CSE1L: variants seen among roughly 807,000 people sequenced by gnomAD.
CSE1L encodes the protein chromosome segregation 1 like, also known as exportin-2.
In CSE1L, 24 loss-of-function variants were observed where a neutral mutation model predicts 120.4. The ratio of observed to expected loss-of-function variants is 0.20; its 90% CI spans 0.14 to 0.28. CSE1L has a LOEUF of 0.28. CSE1L is among the 10% of genes least tolerant of loss of function. CSE1L has a pLI of 1.00. For synonymous variants in CSE1L, 402 were observed against 398.3 expected (o/e 1.01, Z -0.11); for missense variants, 830 against 1,145.2 (o/e 0.72, Z 3.97).
chr20:49,067,718 T>C (rs531576943), intron 6 of CSE1L, among the ~76,000 whole-genome samples: 1 of 151,852 alleles, frequency 6.6e-6, no homozygotes, highest in Non-Finnish European at 1.5e-5. Flanking sequence ...TTTAAAGAAA[T>C]ATATATATAC....
intron 1 of CSE1L, among the ~76,000 whole-genome samples, chr20:49,052,568 G>A (rs1247554591): frequency 2.0e-5 from 3 of 152,166 alleles, no homozygotes; most frequent in African/African-American, 7.2e-5. Flanking sequence ...TAGGAGATGA[G>A]GTCAGTAGAT....
intron 6 of CSE1L, among the ~76,000 whole-genome samples, chr20:49,067,593 A>G (rs574768439): frequency 2.6e-5 from 4 of 152,116 alleles, no homozygotes; most frequent in Non-Finnish European, 5.9e-5. Context: ...GAAGAAATAC[A>G]TATTTTTATT....
chr20:49,080,315 G>A (rs990226164), intron 14 of CSE1L, among the ~76,000 whole-genome samples: 3 of 142,222 alleles, frequency 2.1e-5, no homozygotes, highest in Non-Finnish European at 4.5e-5. Context: ...CTGGGTTCAC[G>A]CCATTCTCCT....
intron 16 of CSE1L, 89 bp from the exon 17 acceptor site, chr20:49,087,920 G>C: frequency 1.3e-6 from 1 of 776,182 alleles, no homozygotes; most frequent in Non-Finnish European, 2.1e-6. Flanking sequence ...TTTAGTTGAT[G>C]AATTAGTGCG....
chr20:49,052,113 T>C (rs1250484599), intron 1 of CSE1L, among the ~76,000 whole-genome samples: 2 of 152,244 alleles, frequency 1.3e-5, no homozygotes, highest in Non-Finnish European at 2.9e-5. Flanking sequence ...CCACATTATG[T>C]TGGGGCTGCT....
chr20:49,068,228 C>T (rs764361051), intron 6 of CSE1L, among the ~76,000 whole-genome samples: 9 of 152,064 alleles, frequency 5.9e-5, no homozygotes, highest in Non-Finnish European at 1.0e-4. Context: ...CTTTTTAGTG[C>T]CATTATGAAC....
Position 49,089,301 on chromosome 20 carries a change from A to G in CSE1L, c.1876A>G (p.Ile626Val), listed in dbSNP as rs147450179. The stretch of plus-strand genomic sequence containing the variant: ...CATGTTTGAAGCAATATGTTTATCC[A>G]TAAGAATAACTTGCAAAGCTAACCC... ...HYMFEAICLS[I>V]RITCKANPAA... The change falls in exon 18 of 25, where the codon ATA (isoleucine) becomes GTA (valine). Residue 626 changes from isoleucine (I) to valine (V), a missense_variant. Around this residue, in one of 4 missense-constraint regions of CSE1L, gnomAD observed 168 missense variants for 267.9 expected, o/e 0.63. Coordinates refer to ENST00000262982, the MANE Select transcript of CSE1L (RefSeq NM_001316.4). 10 of 1,612,342 alleles carry G rather than the reference A, an allele frequency of 6.2e-6. No homozygotes were observed. The highest frequency in any genetic ancestry group is 7.6e-6 in the Non-Finnish European group (9 of 1,179,572).
In CSE1L at chr20:49,047,906, T is replaced by C. The variant is rs147894602; in HGVS notation, c.-12+1483T>C. Among the ~76,000 whole-genome samples, 775 of 152,266 alleles carry C rather than the reference T, an allele frequency of 5.1e-3. 9 individuals carry two copies. The highest frequency in any genetic ancestry group is 0.018 in the African/African-American group (727 of 41,540). On this transcript the variant is annotated intron_variant, in intron 1 of 24. Transcript: ENST00000262982. ...ACACTTACTTATTGCTTACTTGTTA[T>C]CTTTCTCAACTGCTAGAATGTAAGC...
chr20:49,073,747 A>G (rs2091948774), intron 10 of CSE1L, among the ~76,000 whole-genome samples: 1 of 152,158 alleles, frequency 6.6e-6, no homozygotes, highest in Non-Finnish European at 1.5e-5. Context: ...CAGCCTCTCA[A>G]AGTGCTGGGA....
At position 49,075,403 on chromosome 20, in the gene CSE1L, T is replaced by C; in HGVS notation, c.1218T>C (p.Ser406=). 6.2e-7 allele frequency: 1 copy of C among 1,614,148 alleles called. No homozygotes were observed. Among genetic ancestry groups the C allele is most frequent in the South Asian group, 1.1e-5 (1 of 91,090 alleles). Residue 406 remains serine (S), a synonymous_variant, in exon 12 of 25, where the codon TCT becomes TCC. Transcript: ENST00000262982. ...AGGGACCTGTGACAGGAATCTTCTC[T>C]GGTTATGTTAATTCCATGCTGCAGG... The part of the protein sequence containing the change: ...FFEGPVTGIF[S]GYVNSMLQEY...
At chr20:49,087,945 G>T in intron 16 of CSE1L, 64 bp from the exon 17 acceptor site, 1 of 1,116,550 alleles carries the variant, frequency 9.0e-7, no homozygotes, top group African/African-American at 1.6e-5. Flanking sequence ...TTTCCCCCCA[G>T]TCGCTCTCTT....
Position 49,096,611 on chromosome 20 carries a change from G to C in CSE1L, c.*173G>C. 1.6e-6 allele frequency: 1 copy of C among 617,978 alleles called. No individual in the cohort carries two copies. The highest frequency in any genetic ancestry group is 2.9e-6 in the Non-Finnish European group (1 of 350,040). The allele number at this position is 617,978 out of a possible 1,614,324, so 38.3% of individuals were successfully genotyped here. On this transcript the variant is annotated 3_prime_UTR_variant, in exon 25 of 25. Transcript: ENST00000262982. ...GAACCTTGAGCAAATTAGTTGGTTT[G>C]TGTGATCATACAGTTATGTGGGTGG... is the stretch of plus-strand genomic sequence containing the variant.
chr20:49,055,009 C>T (rs563911040), intron 1 of CSE1L, among the ~76,000 whole-genome samples: 4 of 152,212 alleles, frequency 2.6e-5, no homozygotes, highest in Non-Finnish European at 5.9e-5. Context: ...AATTTTCTAA[C>T]GTTTAAGGTG....
intron 17 of CSE1L, among the ~76,000 whole-genome samples, chr20:49,088,434 G>A (rs2092076405): frequency 6.6e-6 from 1 of 152,160 alleles, no homozygotes; most frequent in Non-Finnish European, 1.5e-5. Flanking sequence ...TATAAAAGAG[G>A]CTGTCTGGAC....
At position 49,072,436 on chromosome 20, in the gene CSE1L, G is replaced by C; in HGVS notation, c.919G>C (p.Glu307Gln). ...IWNLLVTTGQ[E>Q]VKYDLLVSNA... is the part of the protein sequence containing the mutation. ...GAATTTACTAGTTACAACGGGTCAA[G>C]AGGTTAAATATGATTTGGTAAGATG... Residue 307 changes from glutamate to glutamine, a missense_variant, in exon 9 of 25, where the codon GAG (glutamate) becomes CAG (glutamine). Glu to Gln is a conservative substitution (Grantham distance 29, BLOSUM62 2). Coordinates refer to ENST00000262982, the MANE Select transcript of CSE1L (RefSeq NM_001316.4). The C allele has an allele frequency of 6.2e-7, 1 of 1,614,190 alleles. No individual in the cohort carries two copies. The highest frequency in any genetic ancestry group is 8.5e-7 in the Non-Finnish European group (1 of 1,180,038).
chr20:49,058,018 A>G (rs951361206), intron 1 of CSE1L, among the ~76,000 whole-genome samples: 3 of 151,000 alleles, frequency 2.0e-5, no homozygotes, highest in Admixed American at 6.6e-5. Context: ...CAGTCCACCC[A>G]CCTCAGCCTC....
At chr20:49,061,750 G>T (rs572733491) in intron 2 of CSE1L, among the ~76,000 whole-genome samples, 1 of 151,902 alleles carries the variant, frequency 6.6e-6, no homozygotes, top group East Asian at 1.9e-4. Context: ...TGATCCACTC[G>T]TCTCGGCCTC....
intron 2 of CSE1L, among the ~76,000 whole-genome samples, chr20:49,059,511 G>A (rs1244169194): frequency 1.3e-5 from 2 of 152,120 alleles, no homozygotes; most frequent in African/African-American, 4.8e-5. Flanking sequence ...TGCAAGATCA[G>A]ATTTCCAGTT....
At chr20:49,084,196 G>A (rs201663966) in intron 15 of CSE1L, 34 bp downstream of exon 15, 1 of 1,609,392 alleles carries the variant, frequency 6.2e-7, no homozygotes, top group Non-Finnish European at 8.5e-7. Flanking sequence ...TTTAGCCTGG[G>A]GTAGGGGCTG....
Sources: allele counts gnomAD v4.1 joint callset (sites outside exome capture counted in the v4.1 genomes callset), GRCh38; gene constraint gnomAD v4.1.1; regional missense constraint gnomAD v4.1.1; transcripts MANE v1.5; gene names NCBI Gene and HGNC (gene_info 2026-07-23, HGNC 2026-07-21).